Variants in MIER1 observed in about 807,000 individuals in gnomAD.
The protein encoded by MIER1 is mesoderm induction early response protein 1.
Under a neutral mutation model 75.7 loss-of-function variants are expected in MIER1, and 40 were observed. The ratio of observed to expected loss-of-function variants is 0.53; its 90% CI spans 0.41 to 0.69. MIER1 has a LOEUF of 0.69. Ranked by LOEUF, MIER1 falls within the 30% of genes least tolerant of loss-of-function variation. The pLI is 0.00. For synonymous variants in MIER1, 213 were observed against 223.4 expected (o/e 0.95, Z 0.42); for missense variants, 574 against 680.2 (o/e 0.84, Z 1.74).
At chr1:66,969,613 T>TA (rs1412214624) in intron 8 of MIER1, among the ~76,000 whole-genome samples, 1 of 151,086 alleles carries the variant, frequency 6.6e-6, no homozygotes, top group Non-Finnish European at 1.5e-5. Context: ...AATTAGCTGT[T>TA]AATTTCTTTT....
At chr1:66,972,808 A>T in intron 10 of MIER1, 89 bp from the exon 11 acceptor site, 1 of 669,268 alleles carries the variant, frequency 1.5e-6, no homozygotes, top group Non-Finnish European at 2.6e-6. Flanking sequence ...CCTCATTTTT[A>T]CGAGAAGGTT....
At chr1:66,952,203 T>C (rs2101608251) in intron 4 of MIER1, among the ~76,000 whole-genome samples, 1 of 152,336 alleles carries the variant, frequency 6.6e-6, no homozygotes, top group Middle Eastern at 3.4e-3. Context: ...CTTACGTGAA[T>C]GGGAATAAAA....
intron 2 of MIER1, among the ~76,000 whole-genome samples, chr1:66,930,789 C>A (rs1054778017): frequency 6.6e-6 from 1 of 152,126 alleles, no homozygotes; most frequent in Admixed American, 6.5e-5. Flanking sequence ...GATGCTGTTG[C>A]GCCCTTCCGC....
intron 2 of MIER1, among the ~76,000 whole-genome samples, chr1:66,937,441 G>A (rs1180331640): frequency 2.0e-5 from 3 of 151,844 alleles, no homozygotes; most frequent in Admixed American, 6.6e-5. Flanking sequence ...AAAAGTTAGC[G>A]AGCCATGGTG....
chr1:66,979,471 T>A (rs1352698900), intron 12 of MIER1, among the ~76,000 whole-genome samples: 1 of 152,236 alleles, frequency 6.6e-6, no homozygotes, highest in Non-Finnish European at 1.5e-5. Flanking sequence ...ACATTGTCCC[T>A]ATTTACTACC....
Position 66,970,812 on chromosome 1 carries a change from T to C in MIER1, c.777T>C (p.Tyr259=). The stretch of plus-strand genomic sequence containing the variant: ...CATTGTCTTTTACTAATTTAGTATA[T>C]GAAAATGATGATCAGCTCCTGTGGG... ...ICRYKENEKV[Y]ENDDQLLWDP... The change falls in exon 9 of 14, where the codon TAT becomes TAC. Residue 259 remains tyrosine, a synonymous_variant. Transcript: ENST00000401041. 1.3e-6 allele frequency: 2 copies of C among 1,550,856 alleles called. No homozygotes were observed. The highest frequency in any genetic ancestry group is 1.3e-5 in the South Asian group (1 of 79,952).
chr1:66,931,711 C>A (rs1653419404), intron 2 of MIER1, among the ~76,000 whole-genome samples: 1 of 152,038 alleles, frequency 6.6e-6, no homozygotes, highest in Admixed American at 6.6e-5. Flanking sequence ...CTTTCTGTTT[C>A]CCCAAAATGT....
chr1:66,929,238 T>C, intron 2 of MIER1: 1 of 383,080 alleles, frequency 2.6e-6, no homozygotes, highest in South Asian at 3.0e-5. Flanking sequence ...AATGAATAAT[T>C]CTCGTATTTA....
At chr1:66,971,815 T>A in intron 10 of MIER1, 79 bp downstream of exon 10, 1 of 668,918 alleles carries the variant, frequency 1.5e-6, no homozygotes, top group Non-Finnish European at 2.6e-6. Context: ...AGGTATAGCC[T>A]AAACTTAATA....
intron 4 of MIER1, 38 bp downstream of exon 4, chr1:66,946,333 G>A (rs1335239841): frequency 1.3e-6 from 2 of 1,511,522 alleles, no homozygotes; most frequent in Non-Finnish European, 1.8e-6. Flanking sequence ...AATTGGTTAT[G>A]ACTTTTTTGT....
At chr1:66,929,338 C>CT (rs1223624958) in intron 2 of MIER1, among the ~76,000 whole-genome samples, 1 of 152,192 alleles carries the variant, frequency 6.6e-6, no homozygotes, top group African/African-American at 2.4e-5. Context: ...GAAATAAAGA[C>CT]TTTCAAACTG....
chr1:66,973,552 T>A (rs1263431993), intron 11 of MIER1, among the ~76,000 whole-genome samples: 1 of 152,100 alleles, frequency 6.6e-6, no homozygotes, highest in Non-Finnish European at 1.5e-5. Context: ...TCATTTCATG[T>A]TGATAATATC....
chr1:66,940,013 T>G lies in MIER1; in HGVS notation c.169-15T>G, dbSNP rs866056271. The G allele has an allele frequency of 6.3e-7, 1 of 1,599,498 alleles. No homozygotes were observed. On this transcript the variant is annotated splice_polypyrimidine_tract_variant and intron_variant, in intron 2 of 13. Coordinates refer to ENST00000401041, the MANE Select transcript of MIER1 (RefSeq NM_001077700.3). ...TACAGAAATACTAATTTTTCCTCTTTTCTCCCCTTCTCAGCCATCTGTTGA... is the reference window on the plus strand; with the variant it reads ...TACAGAAATACTAATTTTTCCTCTTGTCTCCCCTTCTCAGCCATCTGTTGA...
chr1:66,931,595 A>G (rs1174798055), intron 2 of MIER1, among the ~76,000 whole-genome samples: 2 of 151,804 alleles, frequency 1.3e-5, no homozygotes, highest in African/African-American at 4.8e-5. Flanking sequence ...AACATTCAAT[A>G]TCTCTAATTT....
intron 13 of MIER1, among the ~76,000 whole-genome samples, chr1:66,984,130 G>A (rs1223339905): frequency 1.3e-5 from 2 of 152,208 alleles, no homozygotes; most frequent in African/African-American, 4.8e-5. Flanking sequence ...TAAAGAAAGA[G>A]CATTCATCTT....
intron 4 of MIER1, 87 bp from the exon 5 acceptor site, chr1:66,957,972 A>G: frequency 1.3e-6 from 1 of 745,400 alleles, no homozygotes; most frequent in South Asian, 3.1e-5. Flanking sequence ...TCACTATAGA[A>G]TGAATACTCC....
At chr1:66,972,235 CAT>C (rs71058486) in intron 10 of MIER1, among the ~76,000 whole-genome samples, 3,792 of 63,624 alleles carry the variant, frequency 0.06, 69 homozygotes, top group Middle Eastern at 0.11. Context: ...ATATACACTA[CAT>C]ATATATATAT....
intron 2 of MIER1, among the ~76,000 whole-genome samples, chr1:66,939,679 TAGG>T (rs1161938325): frequency 6.6e-6 from 1 of 152,132 alleles, no homozygotes; most frequent in Non-Finnish European, 1.5e-5. Context: ...TCTGTGTTGA[TAGG>T]AGAAAATCTA....
chr1:66,926,389 A>G (rs1473822215), intron 2 of MIER1, 147 bp downstream of exon 2: 1 of 610,106 alleles, frequency 1.6e-6, no homozygotes, highest in African/African-American at 1.9e-5. Context: ...TAAAAATAAC[A>G]TGTCATCAAT....
Sources: allele counts gnomAD v4.1 joint callset (sites outside exome capture counted in the v4.1 genomes callset), GRCh38; gene constraint gnomAD v4.1.1; transcripts MANE v1.5; gene names NCBI Gene and HGNC (gene_info 2026-07-23, HGNC 2026-07-21).